Variants in RICTOR observed in about 807,000 individuals in gnomAD.
RICTOR encodes RPTOR independent companion of MTOR complex 2.
Under a neutral mutation model 214.9 loss-of-function variants are expected in RICTOR, and 49 were observed. The observed-to-expected ratio is 0.23, with a 90% CI of 0.18 to 0.29. RICTOR has a LOEUF of 0.29. RICTOR is among the 10% of genes least tolerant of loss of function. RICTOR has a pLI of 1.00. For missense variants in RICTOR, 1,625 were observed against 2,047.0 expected, an observed-to-expected ratio of 0.79 and a Z score of 3.98; for synonymous variants, 717 against 711.3, an observed-to-expected ratio of 1.01 and a Z score of -0.13.
chr5:39,066,777 C>T (rs1758936389), intron 2 of RICTOR, among the ~76,000 whole-genome samples: 1 of 152,196 alleles, frequency 6.6e-6, no homozygotes, highest in South Asian at 2.1e-4. Context: ...CCACAGGTCC[C>T]TACAGAATGA....
intron 37 of RICTOR, 72 bp from the exon 38 acceptor site, chr5:38,942,450 TA>T (rs2112779481): frequency 8.8e-6 from 7 of 792,918 alleles, no homozygotes; most frequent in South Asian, 7.9e-5. Context: ...TATAAATATC[TA>T]ATTTTTTTTT....
At position 38,941,903 on chromosome 5, in the gene RICTOR, A is replaced by T. The variant is rs1747611864; in HGVS notation, c.*401T>A. On this transcript the variant is annotated 3_prime_UTR_variant, in exon 38 of 38. Coordinates refer to ENST00000357387, the MANE Select transcript of RICTOR (RefSeq NM_152756.5). ...CCACAAGTTAGTTAACAAACAAGGC[A>T]TCTGTATTATTTACCCTAAAAATCA... 1 of 234,574 alleles carries T rather than the reference A, an allele frequency of 4.3e-6. No individual in the cohort carries two copies. The highest frequency in any genetic ancestry group is 2.2e-5 in the African/African-American group (1 of 45,406). 14.5% of individuals were successfully genotyped at this position (234,574 alleles called of 1,614,324 possible).
intron 2 of RICTOR, among the ~76,000 whole-genome samples, chr5:39,023,302 G>C (rs555038255): frequency 1.3e-5 from 2 of 151,188 alleles, no homozygotes; most frequent in African/African-American, 4.9e-5. Context: ...ACCACTGACA[G>C]AGAAAATCTT....
chr5:38,983,020 A>G (rs1204172776), intron 7 of RICTOR, among the ~76,000 whole-genome samples: 1 of 152,130 alleles, frequency 6.6e-6, no homozygotes, highest in Admixed American at 6.6e-5. Flanking sequence ...TCTTAATGGT[A>G]TAGTTCAATA....
In RICTOR at chr5:39,057,301, T is replaced by C. The variant is rs151227432; in HGVS notation, c.97+16810A>G. Among the ~76,000 whole-genome samples the C allele has an allele frequency of 1.1e-3, 170 of 152,272 alleles. 2 individuals are homozygous for C. In the East Asian group the frequency reaches 0.029, roughly 26 times the overall value. On this transcript the variant is annotated intron_variant, in intron 2 of 37. Transcript: ENST00000357387. ...ACATCAATGGTTCCATTGATGTTGG[T>C]TCCATTGATCCTGTCCCTTGCAAGA...
chr5:38,946,750 T>C (rs573960252), intron 32 of RICTOR, among the ~76,000 whole-genome samples, 198 bp from the exon 33 acceptor site: 1 of 152,290 alleles, frequency 6.6e-6, no homozygotes, highest in African/African-American at 2.4e-5. Context: ...AGTGACTAAA[T>C]GGACATTAAT....
At chr5:39,073,988 C>T in intron 2 of RICTOR, 123 bp downstream of exon 2, 2 of 517,678 alleles carry the variant, frequency 3.9e-6, no homozygotes, top group South Asian at 1.7e-4. Context: ...GGCGGGGCTC[C>T]GGCTCTGGCC....
intron 2 of RICTOR, among the ~76,000 whole-genome samples, chr5:39,067,900 CAATT>C (rs1561086098): frequency 6.6e-6 from 1 of 152,114 alleles, no homozygotes; most frequent in East Asian, 1.9e-4. Flanking sequence ...TTCTTCCAGT[CAATT>C]AATGCCTCAG....
chr5:39,011,584 T>C (rs1293873113), intron 3 of RICTOR, among the ~76,000 whole-genome samples: 1 of 151,846 alleles, frequency 6.6e-6, no homozygotes, highest in African/African-American at 2.4e-5. Flanking sequence ...CAGGAGGGGG[T>C]GCTGTATCCT....
At chr5:39,041,480 G>A (rs1757163645) in intron 2 of RICTOR, among the ~76,000 whole-genome samples, 3 of 152,148 alleles carry the variant, frequency 2.0e-5, no homozygotes, top group Admixed American at 2.0e-4. Context: ...TCAGTTTTTT[G>A]TGCTTTAGGA....
In RICTOR at chr5:39,056,449, C is replaced by T. The variant is rs546527888; in HGVS notation, c.97+17662G>A. The stretch of plus-strand genomic sequence containing the variant: ...CACGATTCAAGACAAGCCTGGGCAA[C>T]GTGGCAGAACCCTGTCTCTACAAAA... On this transcript the variant is annotated intron_variant, in intron 2 of 37. Coordinates refer to ENST00000357387, the MANE Select transcript of RICTOR (RefSeq NM_152756.5). Among the ~76,000 whole-genome samples, 528 of 152,102 alleles carry T rather than the reference C, an allele frequency of 3.5e-3. 1 individual carries two copies. Among genetic ancestry groups the T allele is most frequent in the Admixed American group, 5.3e-3 (81 of 15,268 alleles).
chr5:38,995,548 C>T (rs1303677699), intron 6 of RICTOR, among the ~76,000 whole-genome samples: 2 of 150,984 alleles, frequency 1.3e-5, no homozygotes, highest in East Asian at 1.9e-4. Context: ...CACCTGTACC[C>T]CAAAAATTAT....
chr5:38,965,023 A>C (rs1750103701), intron 15 of RICTOR, 131 bp from the exon 16 acceptor site: 1 of 513,190 alleles, frequency 1.9e-6, no homozygotes. Flanking sequence ...AAATTAACTT[A>C]TTTTCCCCAA....
In RICTOR at chr5:38,945,479, G is replaced by T; in HGVS notation, c.4633+12C>A. The stretch of plus-strand genomic sequence containing the variant: ...CACTAGGTTTTTCTGAAGGTGGGAC[G>T]TGATCACTTACCTGAATGACTACAT... On this transcript the variant is annotated intron_variant, in intron 34 of 37. Coordinates refer to ENST00000357387, the MANE Select transcript of RICTOR (RefSeq NM_152756.5). The T allele has an allele frequency of 1.3e-6, 2 of 1,562,218 alleles. No homozygotes were observed. The highest frequency in any genetic ancestry group is 1.8e-6 in the Non-Finnish European group (2 of 1,134,674).
intron 2 of RICTOR, among the ~76,000 whole-genome samples, chr5:39,053,688 C>G (rs1297768304): frequency 6.6e-6 from 1 of 151,794 alleles, no homozygotes; most frequent in Non-Finnish European, 1.5e-5. Context: ...GTCAGGAGAT[C>G]GAGACCATCC....
At chr5:39,015,189 T>C (rs1754852276) in intron 3 of RICTOR, among the ~76,000 whole-genome samples, 1 of 152,188 alleles carries the variant, frequency 6.6e-6, no homozygotes, top group Non-Finnish European at 1.5e-5. Flanking sequence ...CAAACTCCAC[T>C]AGTCCTGGCA....
rs757048291 is a variant in RICTOR, at chr5:38,953,008, C to G, written c.2874G>C (p.Gln958His). ...ACCCTCTGATGGAAAGAACTTCACA[C>G]TGTTTTGCAAGTTTTAGTATATCTG... ...VIPDILKLAK[Q>H]CEVLSIRGTC... The change falls in exon 29 of 38, where the codon CAG becomes CAC. Residue 958 changes from glutamine to histidine, a missense_variant. By Grantham distance (24) the Gln-to-His change is conservative (BLOSUM62 0). Around this residue, in one of 5 missense-constraint regions of RICTOR, gnomAD observed 1,214 missense variants for 1,470.5 expected, o/e 0.83. Transcript: ENST00000357387. 2 of 1,607,600 alleles carry G rather than the reference C, an allele frequency of 1.2e-6. No individual in the cohort carries two copies. Among genetic ancestry groups the G allele is most frequent in the East Asian group, 4.5e-5 (2 of 44,728 alleles).
At chr5:38,997,603 G>C (rs962063886) in intron 5 of RICTOR, among the ~76,000 whole-genome samples, 3 of 152,058 alleles carry the variant, frequency 2.0e-5, no homozygotes, top group Non-Finnish European at 4.4e-5. Flanking sequence ...TCCTGGCCAT[G>C]TCAGAGATGA....
chr5:38,967,715 C>A lies in RICTOR; in HGVS notation c.1060+228G>T, dbSNP rs1034264429. Among the ~76,000 whole-genome samples, 7 of 152,008 alleles carry A rather than the reference C, an allele frequency of 4.6e-5. No individual in the cohort carries two copies. The East Asian group carries it at 9.6e-4, about 21-fold the overall frequency. On this transcript the variant is annotated intron_variant, in intron 12 of 37. Transcript: ENST00000357387. ...CTGTCTCCTCTCTTCCTTTTTTGGC[C>A]CATTCCTATTAATTTAATTGCTCTT... is the stretch of plus-strand genomic sequence containing the variant.
Sources: allele counts gnomAD v4.1 joint callset (sites outside exome capture counted in the v4.1 genomes callset), GRCh38; gene constraint gnomAD v4.1.1; regional missense constraint gnomAD v4.1.1; transcripts MANE v1.5; gene names NCBI Gene and HGNC (gene_info 2026-07-23, HGNC 2026-07-21).